Variants in DRAXIN observed in about 807,000 individuals in gnomAD.
DRAXIN encodes dorsal inhibitory axon guidance protein, also known as dorsal repulsive axon guidance protein.
In DRAXIN, 27 loss-of-function variants were observed where a neutral mutation model predicts 33.9. That is an observed-to-expected ratio of 0.80 (90% CI 0.59 to 1.10). The LOEUF is 1.10. Ranked by LOEUF, DRAXIN falls within the 50% of genes least tolerant of loss-of-function variation. The probability of loss-of-function intolerance (pLI) is 0.00; values close to 1 mark genes in which losing one functional copy is unlikely to be tolerated. For synonymous variants in DRAXIN, 178 were observed against 194.0 expected (o/e 0.92, Z 0.69); for missense variants, 371 against 460.8 (o/e 0.81, Z 1.78).
At chr1:11,703,609 G>A (rs17037302) in intron 1 of DRAXIN, among the ~76,000 whole-genome samples, 10,317 of 152,216 alleles carry the variant, frequency 0.068, 443 homozygotes, top group African/African-American at 0.13. Flanking sequence ...AGCAGATAAG[G>A]GTCACAACCC....
chr1:11,715,237 A>G (rs760229142), intron 6 of DRAXIN, 29 bp downstream of exon 6: 5 of 1,613,604 alleles, frequency 3.1e-6, no homozygotes, highest in Non-Finnish European at 4.2e-6. Context: ...GCGGGGGGCT[A>G]CCCATGCTCT....
Position 11,706,195 on chromosome 1 carries a change from G to C in DRAXIN, c.-10-54G>C. On this transcript the variant is annotated intron_variant, in intron 1 of 6. Transcript: ENST00000294485. This position sits in a 1 kb window ranked among gnomAD's most constrained non-coding sequence, Gnocchi z 5.5. ...ACTGGGCTTTAATCATTTGAGTGAG[G>C]GGCAGCAGAGAGAGGCCTGGGGCTG... 1 of 1,427,438 alleles carries C rather than the reference G, an allele frequency of 7.0e-7. No individual in the cohort carries two copies. Among genetic ancestry groups the C allele is most frequent in the Non-Finnish European group, 9.3e-7 (1 of 1,075,158 alleles). The allele number at this position is 1,427,438 out of a possible 1,614,324, so 88.4% of individuals were successfully genotyped here. A position where few individuals can be genotyped will look rare whatever the true frequency, so the allele number is the denominator to read the frequency against.
chr1:11,697,801 C>G (rs1410732364), intron 1 of DRAXIN, among the ~76,000 whole-genome samples: 1 of 152,170 alleles, frequency 6.6e-6, no homozygotes, highest in Non-Finnish European at 1.5e-5. Flanking sequence ...CTGAGAAAGA[C>G]CCGTGGAGGG....
At chr1:11,701,612 C>G (rs975922499) in intron 1 of DRAXIN, among the ~76,000 whole-genome samples, 5 of 152,164 alleles carry the variant, frequency 3.3e-5, no homozygotes, top group African/African-American at 1.2e-4. Flanking sequence ...TCCTGCCATC[C>G]CTCAGCAACT....
chr1:11,714,269 T>G (rs757597447), intron 5 of DRAXIN, among the ~76,000 whole-genome samples: 2 of 152,128 alleles, frequency 1.3e-5, no homozygotes, highest in Non-Finnish European at 2.9e-5. Context: ...GAAACACTTG[T>G]GAATGACGAA....
chr1:11,703,573 G>A (rs764280469), intron 1 of DRAXIN, among the ~76,000 whole-genome samples: 2 of 152,214 alleles, frequency 1.3e-5, no homozygotes, highest in African/African-American at 2.4e-5. Flanking sequence ...GCATGGGAAG[G>A]CAATAGGGAG....
At chr1:11,689,390 G>C (rs1641021547), upstream of DRAXIN, among the ~76,000 whole-genome samples, 1 of 151,802 alleles carries the variant, frequency 6.6e-6, no homozygotes, top group African/African-American at 2.4e-5. Context: ...CTGAGGTCAG[G>C]AGTTCAAGAC....
chr1:11,709,749 G>A (rs556779871), intron 3 of DRAXIN, among the ~76,000 whole-genome samples: 157 of 152,372 alleles, frequency 1.0e-3, no homozygotes, highest in Non-Finnish European at 2.1e-3. Flanking sequence ...GTGTCTGCAT[G>A]GAGAGCAGCA....
upstream of DRAXIN, among the ~76,000 whole-genome samples, chr1:11,689,090 G>A (rs1224315531): frequency 2.6e-5 from 4 of 152,162 alleles, no homozygotes; most frequent in East Asian, 7.7e-4. Context: ...GGGGTCAGGA[G>A]TTCGAGACCC....
At chr1:11,699,631 G>A (rs555368782) in intron 1 of DRAXIN, among the ~76,000 whole-genome samples, 37 of 152,184 alleles carry the variant, frequency 2.4e-4, no homozygotes, top group South Asian at 2.1e-4. Flanking sequence ...GCAAACCGCC[G>A]GGCGCAGTGG....
intron 3 of DRAXIN, 48 bp from the exon 4 acceptor site, chr1:11,711,803 T>TTCCATGGATTTGAAGGTTCCAACA (rs1641498774): frequency 1.9e-6 from 3 of 1,548,920 alleles, no homozygotes; most frequent in Non-Finnish European, 1.8e-6. Flanking sequence ...ACACTCCTGC[T>TTCCATGGATTTGAAGGTTCCAACA]TCCATGGATT....
At chr1:11,709,683 T>C (rs557192724) in intron 3 of DRAXIN, among the ~76,000 whole-genome samples, 33 of 152,292 alleles carry the variant, frequency 2.2e-4, no homozygotes, top group African/African-American at 7.9e-4. Flanking sequence ...GGCAAAGTGC[T>C]CCTGGGGGCC....
rs538979248 is a variant in DRAXIN at position 11,694,341 on chromosome 1, G to A, written c.-11+2488G>A. The stretch of plus-strand genomic sequence containing the variant: ...TGGGTCCTGCTGGTGGGGCCAGGGC[G>A]GAGCTGGCCCTCTGGCTGGGGAGGT... On this transcript the variant is annotated intron_variant, in intron 1 of 6. Coordinates refer to ENST00000294485, the MANE Select transcript of DRAXIN (RefSeq NM_198545.4). The surrounding 1 kb of genome is among the most constrained non-coding windows in gnomAD (Gnocchi z 4.9). Among the ~76,000 whole-genome samples the A allele has an allele frequency of 6.6e-5, 10 of 152,236 alleles. No homozygotes were observed. Among genetic ancestry groups the A allele is most frequent in the Admixed American group, 2.6e-4 (4 of 15,296 alleles).
chr1:11,717,546 C>T (rs908438563), intron 6 of DRAXIN, among the ~76,000 whole-genome samples: 4 of 151,292 alleles, frequency 2.6e-5, no homozygotes, highest in Admixed American at 1.3e-4. Flanking sequence ...CCTGTAATCC[C>T]AGCTACTCAG....
At chr1:11,701,767 T>C (rs1534987) in intron 1 of DRAXIN, among the ~76,000 whole-genome samples, 121,768 of 152,120 alleles carry the variant, frequency 0.8, 49,486 homozygotes, top group African/African-American at 0.95. Context: ...CTCCTCCTTC[T>C]GCCTGGTTGC....
intron 1 of DRAXIN, among the ~76,000 whole-genome samples, chr1:11,699,167 C>T (rs1023398692): frequency 6.6e-6 from 1 of 152,164 alleles, no homozygotes; most frequent in Non-Finnish European, 1.5e-5. Flanking sequence ...CCTTTGGGAC[C>T]ACCTAATCCA....
Position 11,722,757 on chromosome 1 carries a change from G to A in DRAXIN, c.*3061G>A, listed in dbSNP as rs7414943. 0.47 allele frequency: 71,736 copies of A among 153,996 alleles called. 17,863 individuals are homozygous for A. Among genetic ancestry groups the A allele is most frequent in the Non-Finnish European group, 0.57 (38,912 of 68,112 alleles). 9.5% of individuals were successfully genotyped at this position (153,996 alleles called of 1,614,324 possible). ...AAATGAATTCATGGCTATGCTCCAG[G>A]AAAACTATTTCTGGACACACATGTG... On this transcript the variant is annotated 3_prime_UTR_variant, in exon 7 of 7. Coordinates refer to ENST00000294485, the MANE Select transcript of DRAXIN (RefSeq NM_198545.4).
upstream of DRAXIN, among the ~76,000 whole-genome samples, chr1:11,688,139 A>G (rs914598934): frequency 6.6e-6 from 1 of 152,116 alleles, no homozygotes; most frequent in Non-Finnish European, 1.5e-5. The surrounding 1 kb of genome is among the most constrained non-coding windows in gnomAD (Gnocchi z 4.6). Flanking sequence ...TGGCGACGCA[A>G]ATCATGCTGG....
rs1374600668 is a variant in DRAXIN, at chr1:11,721,098, T to A, written c.*1402T>A. 1 of 152,186 alleles carries A rather than the reference T, an allele frequency of 6.6e-6. No homozygotes were observed. Among genetic ancestry groups the A allele is most frequent in the East Asian group, 1.9e-4 (1 of 5,192 alleles). 9.4% of individuals were successfully genotyped at this position (152,186 alleles called of 1,614,324 possible). ...GGCACTTTACAGTTTTCTGGAGCAC[T>A]TCCCCCCCAGGGGTTCTGATGCAAG... On this transcript the variant is annotated 3_prime_UTR_variant, in exon 7 of 7. Coordinates refer to ENST00000294485, the MANE Select transcript of DRAXIN (RefSeq NM_198545.4).
Sources: gnomAD v4.1 joint callset for allele counts (sites outside exome capture counted in the v4.1 genomes callset) on GRCh38, gnomAD v4.1.1 for gene constraint, Gnocchi (gnomAD v3.1) non-coding constraint, MANE v1.5 for transcripts, NCBI Gene and HGNC (gene_info 2026-07-23, HGNC 2026-07-21) for gene names.